PAQR5: variants seen among roughly 807,000 people sequenced by gnomAD.
PAQR5 encodes progestin and adipoQ receptor family member 5.
In PAQR5, 20 loss-of-function variants were observed where a neutral mutation model predicts 34.5. That is an observed-to-expected ratio of 0.58 (90% CI 0.41 to 0.84). The LOEUF is 0.84. PAQR5 is among the 40% of genes least tolerant of loss of function. The pLI, the probability that PAQR5 is intolerant of heterozygous loss-of-function variation, is 0.00. For synonymous variants in PAQR5, 131 were observed against 155.6 expected, an observed-to-expected ratio of 0.84 and a Z score of 1.18; for missense variants, 378 against 412.7, an observed-to-expected ratio of 0.92 and a Z score of 0.73.
chr15:69,356,649 C>T (rs2055085866), intron 2 of PAQR5, among the ~76,000 whole-genome samples: 1 of 152,048 alleles, frequency 6.6e-6, no homozygotes, highest in African/African-American at 2.4e-5. Flanking sequence ...CCCATTCTTT[C>T]CCCCAAGCCC....
chr15:69,400,040 A>G lies in PAQR5; in HGVS notation c.676A>G (p.Met226Val). The G allele has an allele frequency of 4.3e-6, 7 of 1,614,198 alleles. No individual in the cohort carries two copies. Among genetic ancestry groups the G allele is most frequent in the Non-Finnish European group, 5.1e-6 (6 of 1,179,990 alleles). Reference sequence around the variant, plus strand: ...CTCGTACCACCAGAAGCACATGATCATGACCCTCCTGGCCTCTTTCTTGTA... The same window carrying G: ...CTCGTACCACCAGAAGCACATGATCGTGACCCTCCTGGCCTCTTTCTTGTA... ...ATSYHQKHMIMTLLASFLYSA... is the reference protein window; with the variant it reads ...ATSYHQKHMIVTLLASFLYSA... Residue 226 changes from methionine (M) to valine (V), a missense_variant, in exon 8 of 9, where the codon ATG (methionine) becomes GTG (valine). Transcript: ENST00000395407.
intron 2 of PAQR5, among the ~76,000 whole-genome samples, chr15:69,345,374 T>G (rs922892569): frequency 6.6e-6 from 1 of 152,242 alleles, no homozygotes; most frequent in African/African-American, 2.4e-5. Flanking sequence ...CCACCTTTTA[T>G]GTAAACATAT....
intron 2 of PAQR5, among the ~76,000 whole-genome samples, chr15:69,354,433 A>T (rs2055003647): frequency 6.6e-6 from 1 of 152,228 alleles, no homozygotes; most frequent in African/African-American, 2.4e-5. Context: ...AAGTATTATT[A>T]ATGTTATATC....
chr15:69,338,388 G>A (rs1314894432), intron 2 of PAQR5, among the ~76,000 whole-genome samples: 1 of 152,198 alleles, frequency 6.6e-6, no homozygotes, highest in African/African-American at 2.4e-5. Context: ...ATTGGGAATT[G>A]TACTCCTAAT....
intron 1 of PAQR5, among the ~76,000 whole-genome samples, chr15:69,311,581 T>C (rs750238713): frequency 6.6e-6 from 1 of 152,184 alleles, no homozygotes; most frequent in Non-Finnish European, 1.5e-5. Context: ...TCCCTGCCCT[T>C]AGTCGCCCAG....
intron 5 of PAQR5, 40 bp downstream of exon 5, chr15:69,384,922 C>A (rs182618061): frequency 3.3e-6 from 5 of 1,524,226 alleles, no homozygotes; most frequent in Admixed American, 3.5e-5. Flanking sequence ...CCCCTGCAAC[C>A]GGGCTGTTTG....
chr15:69,367,746 G>T (rs1441060408), intron 3 of PAQR5, among the ~76,000 whole-genome samples: 2 of 152,226 alleles, frequency 1.3e-5, no homozygotes, highest in African/African-American at 2.4e-5. Context: ...GTTTATGGGG[G>T]AGTATTCTCA....
intron 1 of PAQR5, chr15:69,314,284 A>G (rs540651260): frequency 1.1e-4 from 17 of 152,046 alleles, no homozygotes; most frequent in African/African-American, 3.4e-4. Context: ...AGGAAGGGAA[A>G]GTGGCTGGCC....
intron 6 of PAQR5, chr15:69,396,925 GT>G: frequency 3.2e-6 from 1 of 316,150 alleles, no homozygotes; most frequent in East Asian, 8.8e-5. Flanking sequence ...CGTTTATTTA[GT>G]TTTCCCAAGC....
At chr15:69,368,739 C>CG in intron 3 of PAQR5, among the ~76,000 whole-genome samples, 1 of 13,860 alleles carries the variant, frequency 7.2e-5, no homozygotes, top group Non-Finnish European at 1.8e-3. Context: ...TTTTAAATTT[C>CG]AATTATTTTT....
chr15:69,328,210 TTTGA>T (rs113122026), intron 1 of PAQR5, among the ~76,000 whole-genome samples: 5,253 of 152,306 alleles, frequency 0.034, 192 homozygotes, highest in East Asian at 0.15. Flanking sequence ...CATAATGACC[TTTGA>T]TTGAGCTGTT....
intron 2 of PAQR5, among the ~76,000 whole-genome samples, chr15:69,359,136 G>A (rs2055161867): frequency 6.6e-6 from 1 of 152,124 alleles, no homozygotes; most frequent in Non-Finnish European, 1.5e-5. Context: ...GGGCGAACAA[G>A]CTCCCTCACA....
At chr15:69,326,719 G>C (rs1017561567) in intron 1 of PAQR5, among the ~76,000 whole-genome samples, 10 of 152,266 alleles carry the variant, frequency 6.6e-5, no homozygotes, top group African/African-American at 2.4e-4. Flanking sequence ...TTACAGGCGT[G>C]AGCCACCGCA....
intron 4 of PAQR5, among the ~76,000 whole-genome samples, chr15:69,383,696 C>T (rs538559206): frequency 1.0e-5 from 1 of 98,814 alleles, no homozygotes; most frequent in East Asian, 3.4e-4. Context: ...GGTGAGTGGG[C>T]CTCTGTGCTC....
intron 2 of PAQR5, among the ~76,000 whole-genome samples, chr15:69,351,100 C>T (rs1204129914): frequency 6.6e-6 from 1 of 152,220 alleles, no homozygotes; most frequent in East Asian, 1.9e-4. Flanking sequence ...GGAGAATCCC[C>T]ACATTGCTTC....
chr15:69,317,348 C>T (rs1050762318), intron 1 of PAQR5, among the ~76,000 whole-genome samples: 8 of 152,270 alleles, frequency 5.3e-5, no homozygotes, highest in African/African-American at 1.7e-4. Flanking sequence ...TCCCCACTGG[C>T]TGTGGGGCCA....
intron 3 of PAQR5, among the ~76,000 whole-genome samples, chr15:69,376,661 T>C (rs1276838421): frequency 6.6e-6 from 1 of 152,196 alleles, no homozygotes; most frequent in African/African-American, 2.4e-5. Flanking sequence ...GTGGCCAATA[T>C]TGGGCTTCCC....
intron 1 of PAQR5, among the ~76,000 whole-genome samples, chr15:69,317,795 C>A (rs142688073): frequency 6.6e-6 from 1 of 152,146 alleles, no homozygotes; most frequent in Non-Finnish European, 1.5e-5. Context: ...CCCTTCTCCC[C>A]ATGCTGTGCT....
At chr15:69,371,654 C>T (rs576568561) in intron 3 of PAQR5, among the ~76,000 whole-genome samples, 1 of 152,268 alleles carries the variant, frequency 6.6e-6, no homozygotes, top group South Asian at 2.1e-4. Context: ...AGTCCAGAGA[C>T]ATTTTTGTTT....
Sources: gnomAD v4.1 joint callset for allele counts (sites outside exome capture counted in the v4.1 genomes callset) on GRCh38, gnomAD v4.1.1 for gene constraint, MANE v1.5 for transcripts, NCBI Gene and HGNC (gene_info 2026-07-23, HGNC 2026-07-21) for gene names.